Variants in MYT1L observed in about 807,000 individuals in gnomAD.
MYT1L encodes the protein myelin transcription factor 1-like protein.
In MYT1L, 12 loss-of-function variants were observed where a neutral mutation model predicts 126.7. The ratio of observed to expected loss-of-function variants is 0.09; its 90% confidence interval spans 0.06 to 0.15. The LOEUF (loss-of-function observed/expected upper bound fraction) is 0.15, where lower values mean the gene tolerates loss of function less well. Among genes scored for constraint, MYT1L ranks in the 10% least tolerant of loss-of-function variants. The pLI, the probability that MYT1L is intolerant of heterozygous loss-of-function variation, is 1.00. For synonymous variants in MYT1L, 541 were observed against 604.2 expected (o/e 0.90, Z 1.53); for missense variants, 979 against 1,585.2 (o/e 0.62, Z 6.49).
rs180995107 is a variant in MYT1L, at chr2:1,868,255, G to A, written c.2712-16552C>T. ...TGGGATTACAGGTGTGAGCCACCGCGCCCGGCCTTGGCTCTGATGTTTAAG... is the reference window on the plus strand; with the variant it reads ...TGGGATTACAGGTGTGAGCCACCGCACCCGGCCTTGGCTCTGATGTTTAAG... On this transcript the variant is annotated intron_variant, in intron 18 of 24. Transcript: ENST00000647738. Among the ~76,000 whole-genome samples, 23 of 152,310 alleles carry A rather than the reference G, an allele frequency of 1.5e-4. No individual in the cohort carries two copies. The South Asian group carries it at 2.7e-3, about 18-fold the overall frequency.
At chr2:2,168,913 G>C (rs893865071) in intron 3 of MYT1L, among the ~76,000 whole-genome samples, 3 of 152,210 alleles carry the variant, frequency 2.0e-5, no homozygotes, top group African/African-American at 4.8e-5. Context: ...CTGGGGAGCT[G>C]CTATCTGAAG....
chr2:2,072,015 A>G (rs1157295216), intron 3 of MYT1L, among the ~76,000 whole-genome samples: 1 of 152,192 alleles, frequency 6.6e-6, no homozygotes, highest in Non-Finnish European at 1.5e-5. Context: ...ATGGAATTGT[A>G]AATATAGATT....
chr2:2,139,931 C>T (rs2083692839), intron 3 of MYT1L, among the ~76,000 whole-genome samples: 1 of 152,164 alleles, frequency 6.6e-6, no homozygotes, highest in Admixed American at 6.6e-5. Context: ...TTAAGAATGG[C>T]ATTTCAGATT....
chr2:2,161,924 C>T (rs1408260717), intron 3 of MYT1L, among the ~76,000 whole-genome samples: 3 of 152,088 alleles, frequency 2.0e-5, no homozygotes, highest in South Asian at 2.1e-4. Flanking sequence ...GGAAGTGGTC[C>T]GAGAACCGTT....
chr2:1,974,019 T>C (rs1006530013), intron 8 of MYT1L, among the ~76,000 whole-genome samples: 5 of 152,180 alleles, frequency 3.3e-5, no homozygotes, highest in African/African-American at 1.2e-4. Context: ...TTTCCTTCCA[T>C]CTATCCACAA....
intron 2 of MYT1L, among the ~76,000 whole-genome samples, chr2:2,200,002 A>G (rs1432498970): frequency 6.6e-6 from 1 of 152,182 alleles, no homozygotes; most frequent in East Asian, 1.9e-4. Flanking sequence ...TCCTTCCTCC[A>G]GGTAAGCCTC....
Position 2,199,297 on chromosome 2 carries a change from G to A in MYT1L, c.-420-26309C>T, listed in dbSNP as rs1038762545. ...ATGCCAATTTCTAAAGTTAACCAACGTTTTCAGAAAAACTATGCTTACAAA... is the reference window on the plus strand; with the variant it reads ...ATGCCAATTTCTAAAGTTAACCAACATTTTCAGAAAAACTATGCTTACAAA... On this transcript the variant is annotated intron_variant, in intron 2 of 24. Coordinates refer to ENST00000647738, the MANE Select transcript of MYT1L (RefSeq NM_001303052.2). Among the ~76,000 whole-genome samples, 12 of 152,148 alleles carry A rather than the reference G, an allele frequency of 7.9e-5. 1 individual carries two copies. Among genetic ancestry groups the A allele is most frequent in the Non-Finnish European group, 1.2e-4 (8 of 68,020 alleles).
At chr2:2,243,462 G>C (rs185860792) in intron 2 of MYT1L, among the ~76,000 whole-genome samples, 1 of 152,076 alleles carries the variant, frequency 6.6e-6, no homozygotes, top group African/African-American at 2.4e-5. Context: ...ACAAAACAGG[G>C]GCACAAACTA....
intron 4 of MYT1L, among the ~76,000 whole-genome samples, chr2:2,024,500 C>A (rs2065332829): frequency 6.6e-6 from 1 of 152,180 alleles, no homozygotes; most frequent in Non-Finnish European, 1.5e-5. Context: ...CTTCCTCTGC[C>A]AAATTAAAAT....
chr2:2,097,575 A>C (rs2077578386), intron 3 of MYT1L, among the ~76,000 whole-genome samples: 2 of 152,164 alleles, frequency 1.3e-5, no homozygotes, highest in Non-Finnish European at 2.9e-5. Context: ...GGGTTTTTAC[A>C]CAGTGGAAAC....
At chr2:2,027,114 C>T (rs1416593563) in intron 4 of MYT1L, among the ~76,000 whole-genome samples, 1 of 152,164 alleles carries the variant, frequency 6.6e-6, no homozygotes, top group Non-Finnish European at 1.5e-5. Context: ...GTGTGAACCC[C>T]CCATCGCCGC....
intron 13 of MYT1L, among the ~76,000 whole-genome samples, chr2:1,906,085 A>G (rs541443218): frequency 6.6e-6 from 1 of 152,140 alleles, no homozygotes; most frequent in Non-Finnish European, 1.5e-5. Context: ...CTTTTTTATG[A>G]TTCACTGAAA....
At chr2:1,822,284 C>G (rs772604752) in intron 21 of MYT1L, among the ~76,000 whole-genome samples, 9 of 152,228 alleles carry the variant, frequency 5.9e-5, no homozygotes, top group Non-Finnish European at 1.0e-4. Context: ...GAGAGTGGGT[C>G]ATTTTAGTAG....
chr2:1,912,319 A>G lies in MYT1L; in HGVS notation c.1619-209T>C, dbSNP rs2052139126. Among the ~76,000 whole-genome samples, 1 of 152,164 alleles carries G rather than the reference A, an allele frequency of 6.6e-6. No individual in the cohort carries two copies. Among genetic ancestry groups the G allele is most frequent in the East Asian group, 1.9e-4 (1 of 5,178 alleles). ...ACCCTACACGAAAGGCCAGAGAAAGAAGGTTGACTGGACCCTACAGACCCT... is the reference window on the plus strand; with the variant it reads ...ACCCTACACGAAAGGCCAGAGAAAGGAGGTTGACTGGACCCTACAGACCCT... On this transcript the variant is annotated intron_variant, in intron 11 of 24. Transcript: ENST00000647738. This position sits in a 1 kb window ranked among gnomAD's most constrained non-coding sequence, Gnocchi z 4.3.
At chr2:2,150,339 G>T (rs73913223) in intron 3 of MYT1L, among the ~76,000 whole-genome samples, 7 of 152,104 alleles carry the variant, frequency 4.6e-5, no homozygotes, top group Admixed American at 1.3e-4. Context: ...GTTTCATCTT[G>T]ATTTTTTGAG....
chr2:1,880,463 G>A (rs1215520998), intron 18 of MYT1L, among the ~76,000 whole-genome samples: 1 of 152,186 alleles, frequency 6.6e-6, no homozygotes, highest in Non-Finnish European at 1.5e-5. Flanking sequence ...TCAGCCTCCT[G>A]AGTAGCTAGA....
intron 2 of MYT1L, among the ~76,000 whole-genome samples, chr2:2,260,318 T>C (rs951358565): frequency 1.3e-5 from 2 of 152,220 alleles, no homozygotes; most frequent in Admixed American, 6.5e-5. Flanking sequence ...AAAAGTTTTG[T>C]GAATAGAACT....
intron 10 of MYT1L, among the ~76,000 whole-genome samples, chr2:1,918,161 C>A (rs549368360): frequency 6.6e-6 from 1 of 151,658 alleles, no homozygotes; most frequent in Non-Finnish European, 1.5e-5. Flanking sequence ...GGCAGAGCTT[C>A]GGTTAAAAAA....
At chr2:2,316,621 C>A (rs1394934269) in intron 1 of MYT1L, among the ~76,000 whole-genome samples, 1 of 152,146 alleles carries the variant, frequency 6.6e-6, no homozygotes, top group Non-Finnish European at 1.5e-5. Flanking sequence ...GCTGCCACGG[C>A]ACGTACGTTT....
Sources: gnomAD v4.1 joint callset for allele counts (sites outside exome capture counted in the v4.1 genomes callset) on GRCh38, gnomAD v4.1.1 for gene constraint, Gnocchi (gnomAD v3.1) non-coding constraint, MANE v1.5 for transcripts, NCBI Gene and HGNC (gene_info 2026-07-23, HGNC 2026-07-21) for gene names.